The following EBF3 variants were observed in gnomAD, a reference collection of about 807,000 sequenced individuals.
EBF3 encodes the protein transcription factor COE3.
A neutral mutation model predicts 77.1 loss-of-function variants in EBF3; 18 were observed. The observed-to-expected ratio is 0.23, with a 90% CI of 0.16 to 0.35. The LOEUF is 0.35. Among genes scored for constraint, EBF3 ranks in the 10% least tolerant of loss-of-function variants. EBF3 has a pLI of 1.00. For synonymous variants in EBF3, 350 were observed against 343.5 expected, an observed-to-expected ratio of 1.02 and a Z score of -0.21; for missense variants, 558 against 860.0, an observed-to-expected ratio of 0.65 and a Z score of 4.39.
intron 6 of EBF3, among the ~76,000 whole-genome samples, chr10:129,953,654 C>A (rs751418635): frequency 6.6e-6 from 1 of 152,240 alleles, no homozygotes; most frequent in Non-Finnish European, 1.5e-5. Flanking sequence ...GGAGCCCCTG[C>A]GTGTGCCCGG....
intron 10 of EBF3, among the ~76,000 whole-genome samples, chr10:129,856,172 G>A (rs1428392727): frequency 6.6e-6 from 1 of 152,214 alleles, no homozygotes; most frequent in Non-Finnish European, 1.5e-5. Flanking sequence ...AGGTGTTCAA[G>A]GTAATGAGTA....
chr10:129,840,215 C>T (rs369124244), intron 15 of EBF3, 30 bp downstream of exon 15: 3 of 1,534,310 alleles, frequency 2.0e-6, no homozygotes, highest in Non-Finnish European at 2.6e-6. Context: ...GAGGACCCAG[C>T]ACTGGCCCAC....
At chr10:129,894,485 C>A (rs553892057) in intron 6 of EBF3, among the ~76,000 whole-genome samples, 171 of 152,276 alleles carry the variant, frequency 1.1e-3, no homozygotes, top group African/African-American at 3.9e-3. Flanking sequence ...AGGGGAGAGG[C>A]CCCCTGCAGG....
chr10:129,873,740 C>G (rs1187309466), intron 7 of EBF3, 144 bp from the exon 8 acceptor site: 11 of 916,660 alleles, frequency 1.2e-5, no homozygotes, highest in African/African-American at 1.7e-5. Context: ...TGTGCGTTCA[C>G]AGCTTTTTTG....
intron 10 of EBF3, among the ~76,000 whole-genome samples, chr10:129,852,884 C>G (rs920560013): frequency 6.6e-6 from 1 of 152,152 alleles, no homozygotes; most frequent in Non-Finnish European, 1.5e-5. Flanking sequence ...GTGGGAAATC[C>G]ACCCCCAAGG....
chr10:129,917,287 T>C (rs1164520885), intron 6 of EBF3, among the ~76,000 whole-genome samples: 1 of 152,130 alleles, frequency 6.6e-6, no homozygotes, highest in African/African-American at 2.4e-5. Flanking sequence ...AAGAACCACT[T>C]GAACCTGGGA....
rs988172030 is a variant in EBF3, at chr10:129,870,309, G to A, written c.782-2397C>T. 6.6e-6 allele frequency among the ~76,000 whole-genome samples: 1 copy of A among 151,980 alleles called. No individual in the cohort carries two copies. The highest frequency in any genetic ancestry group is 1.5e-5 in the Non-Finnish European group (1 of 68,020). On this transcript the variant is annotated intron_variant, in intron 8 of 16. Coordinates refer to ENST00000440978, the MANE Select transcript of EBF3 (RefSeq NM_001375380.1). The surrounding 1 kb of genome is among the most constrained non-coding windows in gnomAD (Gnocchi z 4.4). Reference sequence around the variant, plus strand: ...CAGCGTTAGAGATCTAATGATATACGCGCACAATACACTCAAGCAGATGAC... The same window carrying A: ...CAGCGTTAGAGATCTAATGATATACACGCACAATACACTCAAGCAGATGAC...
intron 6 of EBF3, among the ~76,000 whole-genome samples, chr10:129,916,812 C>A (rs894804698): frequency 2.0e-5 from 3 of 152,166 alleles, no homozygotes; most frequent in African/African-American, 7.2e-5. Flanking sequence ...GCCAGCACAG[C>A]CCAAGGGAGG....
rs1849590914 is a variant in EBF3 at position 129,836,019 on chromosome 10, C to T, written c.*1924G>A. The T allele has an allele frequency of 6.6e-6, 1 of 152,566 alleles. No homozygotes were observed. Among genetic ancestry groups the T allele is most frequent in the Admixed American group, 6.5e-5 (1 of 15,272 alleles). 9.5% of individuals were successfully genotyped at this position (152,566 alleles called of 1,614,324 possible). ...GAAAACCAGCAGTGATTTGGGTCCC[C>T]CTGAAACCTCTGTGAATCGGAGGTG... On this transcript the variant is annotated 3_prime_UTR_variant, in exon 17 of 17. Transcript: ENST00000440978.
At position 129,944,291 on chromosome 10, in the gene EBF3, T is replaced by TA. The variant is rs1381313785; in HGVS notation, c.554+12966_554+12967insT. On this transcript the variant is annotated intron_variant, in intron 6 of 16. Transcript: ENST00000440978. The surrounding 1 kb of genome is among the most constrained non-coding windows in gnomAD (Gnocchi z 5.1). ...TTGGTCAATGAGGGGAACACCAGAG[T>TA]GCACTGCCTTCAGAATATTGGCTTG... Among the ~76,000 whole-genome samples, 1 of 152,128 alleles carries TA rather than the reference T, an allele frequency of 6.6e-6. No homozygotes were observed. The highest frequency in any genetic ancestry group is 2.4e-5 in the African/African-American group (1 of 41,430).
chr10:129,942,853 T>C (rs545833918), intron 6 of EBF3, among the ~76,000 whole-genome samples: 37 of 151,860 alleles, frequency 2.4e-4, no homozygotes, highest in Non-Finnish European at 4.6e-4. Flanking sequence ...TAAATTGGGG[T>C]GGGAGGGACA....
At chr10:129,901,824 C>G (rs1341554948) in intron 6 of EBF3, among the ~76,000 whole-genome samples, 3 of 152,214 alleles carry the variant, frequency 2.0e-5, no homozygotes, top group African/African-American at 7.2e-5. Flanking sequence ...GTGGCGAGGG[C>G]TGCAACGCAC....
At position 129,835,724 on chromosome 10, in the gene EBF3, AT is replaced by A. The variant is rs1345539405; in HGVS notation, c.*2218del. The stretch of plus-strand genomic sequence containing the variant: ...AGAATGAACACTTTGTAAGTTGTGC[AT>A]TGTTGATTTTTGTCAAGAAGGTATT... On this transcript the variant is annotated 3_prime_UTR_variant, in exon 17 of 17. Coordinates refer to ENST00000440978, the MANE Select transcript of EBF3 (RefSeq NM_001375380.1). The A allele has an allele frequency of 9.9e-5, 15 of 152,226 alleles. No individual in the cohort carries two copies. In the South Asian group the frequency reaches 1.7e-3, roughly 17 times the overall value. The allele number at this position is 152,226 out of a possible 1,614,324, so 9.4% of individuals were successfully genotyped here.
At chr10:129,869,226 G>T (rs868543592) in intron 8 of EBF3, among the ~76,000 whole-genome samples, 2 of 152,298 alleles carry the variant, frequency 1.3e-5, no homozygotes, top group South Asian at 4.1e-4. Context: ...GGGGGTGTTG[G>T]GGGTTAAAGA....
At position 129,963,053 on chromosome 10, in the gene EBF3, G is replaced by C; in HGVS notation, c.292-48C>G. 6.2e-7 allele frequency: 1 copy of C among 1,609,886 alleles called. No homozygotes were observed. Among genetic ancestry groups the C allele is most frequent in the Non-Finnish European group, 8.5e-7 (1 of 1,176,298 alleles). The stretch of plus-strand genomic sequence containing the variant: ...GCATTTAGTGCGATCGGTGTCAGGC[G>C]CGGCCACCACGCTCGGTCCCCCTCC... On this transcript the variant is annotated intron_variant, in intron 2 of 16. Coordinates refer to ENST00000440978, the MANE Select transcript of EBF3 (RefSeq NM_001375380.1). The surrounding 1 kb of genome is among the most constrained non-coding windows in gnomAD (Gnocchi z 7.1).
At chr10:129,894,945 G>A (rs1854265412) in intron 6 of EBF3, among the ~76,000 whole-genome samples, 2 of 152,140 alleles carry the variant, frequency 1.3e-5, no homozygotes. Context: ...TGAGTCCCTG[G>A]GTCAGTGAGC....
At chr10:129,957,802 A>T (rs948711125) in intron 5 of EBF3, among the ~76,000 whole-genome samples, 1 of 152,164 alleles carries the variant, frequency 6.6e-6, no homozygotes, top group Admixed American at 6.5e-5. Flanking sequence ...TCTATCACAA[A>T]CTTCTATTGT....
chr10:129,870,793 T>C lies in EBF3; in HGVS notation c.781+2659A>G, dbSNP rs1308659157. ...GGAGACCCATATCTTTGGGTTTTTTTCCTTTCTTTTGGGGTCTCTCCACCC... is the reference window on the plus strand; with the variant it reads ...GGAGACCCATATCTTTGGGTTTTTTCCCTTTCTTTTGGGGTCTCTCCACCC... On this transcript the variant is annotated intron_variant, in intron 8 of 16. Transcript: ENST00000440978. This position sits in a 1 kb window ranked among gnomAD's most constrained non-coding sequence, Gnocchi z 4.4. Among the ~76,000 whole-genome samples the C allele has an allele frequency of 2.6e-5, 4 of 152,166 alleles. No individual in the cohort carries two copies. The highest frequency in any genetic ancestry group is 5.9e-5 in the Non-Finnish European group (4 of 68,038).
chr10:129,842,437 C>T lies in EBF3; in HGVS notation c.1195-144G>A. The T allele has an allele frequency of 1.0e-6, 1 of 984,624 alleles. No individual in the cohort carries two copies. The highest frequency in any genetic ancestry group is 1.7e-5 in the South Asian group (1 of 57,318). 61.0% of individuals were successfully genotyped at this position (984,624 alleles called of 1,614,324 possible). A position where few individuals can be genotyped will look rare whatever the true frequency, so the allele number is the denominator to read the frequency against. Reference sequence around the variant, plus strand: ...TATTTCTTAATGGGCAAAGAGCTTCCCCTAGAAAATCATTTACTGACGCTT... The same window carrying T: ...TATTTCTTAATGGGCAAAGAGCTTCTCCTAGAAAATCATTTACTGACGCTT... On this transcript the variant is annotated intron_variant, in intron 12 of 16. Coordinates refer to ENST00000440978, the MANE Select transcript of EBF3 (RefSeq NM_001375380.1). The surrounding 1 kb of genome is among the most constrained non-coding windows in gnomAD (Gnocchi z 4.4).
Sources: gnomAD v4.1 joint callset for allele counts (sites outside exome capture counted in the v4.1 genomes callset) on GRCh38, gnomAD v4.1.1 for gene constraint, Gnocchi (gnomAD v3.1) non-coding constraint, MANE v1.5 for transcripts, NCBI Gene and HGNC (gene_info 2026-07-23, HGNC 2026-07-21) for gene names.